The following TYW1B variants were observed in gnomAD, a reference collection of about 807,000 sequenced individuals.
TYW1B encodes S-adenosyl-L-methionine-dependent tRNA 4-demethylwyosine synthase TYW1B.
A neutral mutation model predicts 86.9 loss-of-function variants in TYW1B; 73 were observed. The observed-to-expected ratio is 0.84, with a 90% CI of 0.70 to 1.02. TYW1B has a LOEUF of 1.02. Among genes scored for constraint, TYW1B ranks in the 50% least tolerant of loss-of-function variants. The pLI is 0.00. For synonymous variants in TYW1B, 248 were observed against 292.8 expected (o/e 0.85, Z 1.56); for missense variants, 637 against 827.4 (o/e 0.77, Z 2.82).
intron 6 of TYW1B, among the ~76,000 whole-genome samples, chr7:72,792,883 A>G (rs1788244074): frequency 6.6e-6 from 1 of 152,210 alleles, no homozygotes; most frequent in South Asian, 2.1e-4. Context: ...GTAGCCAAAA[A>G]ACAAAATTAT....
At chr7:72,635,436 T>C (rs1812643271) in intron 11 of TYW1B, among the ~76,000 whole-genome samples, 2 of 152,150 alleles carry the variant, frequency 1.3e-5, no homozygotes, top group Admixed American at 6.6e-5. Flanking sequence ...TTTTCACAAA[T>C]GGGGGCTGCT....
intron 7 of TYW1B, among the ~76,000 whole-genome samples, chr7:72,755,576 A>G (rs1294849644): frequency 2.6e-5 from 4 of 152,110 alleles, no homozygotes; most frequent in African/African-American, 7.2e-5. Context: ...CTCCAGGTGG[A>G]TCACTTAAGC....
intron 12 of TYW1B, among the ~76,000 whole-genome samples, chr7:72,617,580 T>A (rs1554437155): frequency 1.3e-5 from 2 of 152,218 alleles, no homozygotes; most frequent in Non-Finnish European, 2.9e-5. Flanking sequence ...TTGACCAGGC[T>A]GGTCTTGAAT....
chr7:72,722,236 G>A (rs1400006351), intron 9 of TYW1B, among the ~76,000 whole-genome samples: 1 of 152,118 alleles, frequency 6.6e-6, no homozygotes, highest in Non-Finnish European at 1.5e-5. Context: ...ACCATCTGTT[G>A]GAGATCTTTT....
chr7:72,749,002 G>T (rs1240129932), intron 7 of TYW1B, among the ~76,000 whole-genome samples: 1 of 151,928 alleles, frequency 6.6e-6, no homozygotes, highest in Admixed American at 6.6e-5. Context: ...AAGTAAAACT[G>T]GCATTAATTC....
intron 6 of TYW1B, 120 bp from the exon 7 acceptor site, chr7:72,777,653 C>T (rs1467180257): frequency 1.4e-5 from 16 of 1,170,422 alleles, no homozygotes; most frequent in East Asian, 5.1e-5. Flanking sequence ...TAGTGGCTCA[C>T]GCCTGTAATC....
intron 6 of TYW1B, among the ~76,000 whole-genome samples, chr7:72,783,742 A>ACC (rs1788085492): frequency 1.3e-4 from 20 of 152,206 alleles, no homozygotes; most frequent in Non-Finnish European, 2.6e-4. Context: ...CAGTAATTCT[A>ACC]TTTTGGATAA....
intron 10 of TYW1B, among the ~76,000 whole-genome samples, chr7:72,700,928 G>A (rs1418297927): frequency 6.6e-5 from 10 of 152,070 alleles, no homozygotes; most frequent in Non-Finnish European, 1.5e-4. Flanking sequence ...TTAGCCAGGA[G>A]TGCCACATGC....
chr7:72,646,253 G>A (rs1301128854), intron 11 of TYW1B, among the ~76,000 whole-genome samples: 1 of 151,908 alleles, frequency 6.6e-6, no homozygotes, highest in South Asian at 2.1e-4. Flanking sequence ...TGTAGAGATG[G>A]GGTGTCGCTA....
chr7:72,720,836 C>T (rs575397496), intron 9 of TYW1B, among the ~76,000 whole-genome samples: 62 of 152,188 alleles, frequency 4.1e-4, no homozygotes, highest in South Asian at 2.1e-3. Context: ...GCCATGTTGG[C>T]GTGCTGCACC....
chr7:72,778,688 T>C (rs1176818420), intron 6 of TYW1B, among the ~76,000 whole-genome samples: 1 of 152,076 alleles, frequency 6.6e-6, no homozygotes, highest in Non-Finnish European at 1.5e-5. Flanking sequence ...CTGGCCAATG[T>C]CTACTTCTAG....
intron 7 of TYW1B, among the ~76,000 whole-genome samples, chr7:72,759,721 A>G (rs1554466895): frequency 6.6e-6 from 1 of 152,230 alleles, no homozygotes; most frequent in Non-Finnish European, 1.5e-5. Context: ...CATTCCAGCC[A>G]AGATATTCTT....
At chr7:72,728,755 T>C (rs1554459221) in intron 9 of TYW1B, 67 bp downstream of exon 9, 2 of 1,476,506 alleles carry the variant, frequency 1.4e-6, no homozygotes, top group Non-Finnish European at 1.8e-6. Context: ...AAGAGGCAAT[T>C]CTTCTGCCAA....
chr7:72,717,985 G>T (rs572236778), intron 9 of TYW1B, among the ~76,000 whole-genome samples: 3 of 152,170 alleles, frequency 2.0e-5, no homozygotes, highest in South Asian at 2.1e-4. Context: ...CAAAGGAAAA[G>T]AAATCATTAT....
chr7:72,770,659 C>T (rs1479859519), intron 7 of TYW1B, among the ~76,000 whole-genome samples: 1 of 152,078 alleles, frequency 6.6e-6, no homozygotes, highest in African/African-American at 2.4e-5. Flanking sequence ...TTAACAATTG[C>T]ACTTCTAGGC....
In TYW1B at chr7:72,632,415, ATATATATAAAATATATATATACG is replaced by A. The variant is rs1563038840; in HGVS notation, c.1507-3441_1507-3419del. On this transcript the variant is annotated intron_variant, in intron 11 of 13. Coordinates refer to ENST00000620995, the MANE Select transcript of TYW1B (RefSeq NM_001145440.3). ...ATATATATATAATATATATATACAT[ATATATATAAAATATATATATACG>A]TATATATATAAAATATATATATACA... is the stretch of plus-strand genomic sequence containing the variant. Among the ~76,000 whole-genome samples, 457 of 107,876 alleles carry A rather than the reference ATATATATAAAATATATATATACG, an allele frequency of 4.2e-3. 22 individuals are homozygous for A. Among genetic ancestry groups the A allele is most frequent in the African/African-American group, 0.02 (421 of 21,286 alleles). 70.8% of individuals were successfully genotyped at this position (107,876 alleles called of 152,430 possible).
chr7:72,777,217 T>C (rs1787971547), intron 7 of TYW1B, among the ~76,000 whole-genome samples, 199 bp downstream of exon 7: 1 of 152,018 alleles, frequency 6.6e-6, no homozygotes, highest in Admixed American at 6.6e-5. Flanking sequence ...AATATCCCAA[T>C]AAACCAAGAA....
intron 10 of TYW1B, among the ~76,000 whole-genome samples, chr7:72,705,483 T>G (rs2844052): frequency 2.0e-5 from 3 of 152,324 alleles, no homozygotes; most frequent in Admixed American, 6.5e-5. Context: ...ATGTCATAGT[T>G]AAATGCTGAA....
intron 9 of TYW1B, among the ~76,000 whole-genome samples, chr7:72,722,611 C>T (rs1554457770): frequency 6.6e-6 from 1 of 152,156 alleles, no homozygotes; most frequent in African/African-American, 2.4e-5. Flanking sequence ...AGTGAAATAA[C>T]TGAAAAGACA....
Sources: allele counts gnomAD v4.1 joint callset (sites outside exome capture counted in the v4.1 genomes callset), GRCh38; gene constraint gnomAD v4.1.1; transcripts MANE v1.5; gene names NCBI Gene and HGNC (gene_info 2026-07-23, HGNC 2026-07-21).